CEP70: variants seen among roughly 807,000 people sequenced by gnomAD.
CEP70 encodes centrosomal protein of 70 kDa.
CEP70 carries 70 observed loss-of-function variants against 90.9 expected under a neutral mutation model. The observed-to-expected ratio is 0.77, with a 90% CI of 0.64 to 0.94. The LOEUF is 0.94. CEP70 is among the 40% of genes least tolerant of loss of function. The pLI is 0.00. For synonymous variants in CEP70, 220 were observed against 228.3 expected (o/e 0.96, Z 0.33); for missense variants, 648 against 669.0 (o/e 0.97, Z 0.35).
rs999041196 is a variant in CEP70 at position 138,494,915 on chromosome 3, C to T, written c.*100G>A. The T allele has an allele frequency of 5.9e-6, 4 of 680,238 alleles. No homozygotes were observed. Among genetic ancestry groups the T allele is most frequent in the Non-Finnish European group, 1.0e-5 (4 of 385,600 alleles). 42.1% of individuals were successfully genotyped at this position (680,238 alleles called of 1,614,324 possible). A position where few individuals can be genotyped will look rare whatever the true frequency, so the allele number is the denominator to read the frequency against. On this transcript the variant is annotated 3_prime_UTR_variant, in exon 18 of 18. Transcript: ENST00000264982. ...CTAAGAAGGGGATGAATTCTGAGAG[C>T]AAATACATTTTACAACCCTTGTCTC...
intron 10 of CEP70, among the ~76,000 whole-genome samples, chr3:138,527,571 G>C (rs1357348037): frequency 6.6e-6 from 1 of 151,578 alleles, no homozygotes; most frequent in African/African-American, 2.4e-5. Flanking sequence ...ATGGGCGCCT[G>C]TAGTCCCAGC....
intron 6 of CEP70, among the ~76,000 whole-genome samples, chr3:138,541,111 G>A (rs2038726523): frequency 6.6e-6 from 1 of 152,148 alleles, no homozygotes; most frequent in Admixed American, 6.6e-5. Flanking sequence ...AAGAGAAGGA[G>A]AAAAGATAAC....
At chr3:138,536,611 A>T (rs2038285950) in intron 7 of CEP70, among the ~76,000 whole-genome samples, 1 of 151,956 alleles carries the variant, frequency 6.6e-6, no homozygotes, top group Non-Finnish European at 1.5e-5. Context: ...TTATTTTGAA[A>T]CTATTTTTAT....
intron 8 of CEP70, chr3:138,530,896 T>C (rs1289843116): frequency 1.0e-6 from 1 of 966,992 alleles, no homozygotes; most frequent in Non-Finnish European, 1.2e-6. Context: ...ACTGAGTTTA[T>C]AATATAAACT....
Position 138,590,816 on chromosome 3 carries a change from T to C in CEP70, c.-6+1038A>G, listed in dbSNP as rs117415457. ...ACAGAATGAGACTCTATCTCATAAA[T>C]AAATAATAAAAAAAAAACAGGGAAG... On this transcript the variant is annotated intron_variant, in intron 2 of 17. Coordinates refer to ENST00000264982, the MANE Select transcript of CEP70 (RefSeq NM_024491.4). Among the ~76,000 whole-genome samples, 487 of 148,714 alleles carry C rather than the reference T, an allele frequency of 3.3e-3. 20 individuals are homozygous for C. The East Asian group carries it at 0.087, about 27-fold the overall frequency.
intron 6 of CEP70, among the ~76,000 whole-genome samples, chr3:138,568,003 G>T (rs1223231338): frequency 1.3e-5 from 2 of 152,046 alleles, no homozygotes; most frequent in Non-Finnish European, 2.9e-5. Flanking sequence ...TGGGTTTGCT[G>T]ATTTCTGTTT....
At chr3:138,525,157 C>T (rs542842229) in intron 11 of CEP70, among the ~76,000 whole-genome samples, 8 of 151,882 alleles carry the variant, frequency 5.3e-5, no homozygotes, top group South Asian at 4.2e-4. Flanking sequence ...AGCAAACTAT[C>T]GCAAGGACAA....
intron 11 of CEP70, 130 bp from the exon 12 acceptor site, chr3:138,508,674 C>T: frequency 3.0e-6 from 2 of 660,714 alleles, no homozygotes; most frequent in South Asian, 3.3e-5. Flanking sequence ...TGTGTGTGTG[C>T]ACACATGTAT....
intron 11 of CEP70, among the ~76,000 whole-genome samples, chr3:138,519,931 G>A (rs2108780721): frequency 6.6e-6 from 1 of 152,254 alleles, no homozygotes; most frequent in Middle Eastern, 3.4e-3. Context: ...CTGTATTCAG[G>A]AAGCCCATCT....
intron 6 of CEP70, among the ~76,000 whole-genome samples, chr3:138,569,243 C>T (rs2041000600): frequency 6.6e-6 from 1 of 152,066 alleles, no homozygotes; most frequent in African/African-American, 2.4e-5. Context: ...CTGATCCTTC[C>T]AATACTGCCA....
chr3:138,584,756 T>A (rs1302382473), intron 2 of CEP70, among the ~76,000 whole-genome samples: 1 of 147,062 alleles, frequency 6.8e-6, no homozygotes, highest in Admixed American at 6.8e-5. Flanking sequence ...CTTCATGATT[T>A]AAAAAAAAAA....
chr3:138,549,471 C>T (rs1048178564), intron 6 of CEP70, among the ~76,000 whole-genome samples: 1 of 151,934 alleles, frequency 6.6e-6, no homozygotes, highest in Non-Finnish European at 1.5e-5. Flanking sequence ...CTGCATGACA[C>T]AGCAGAGGCA....
At chr3:138,508,764 C>T (rs567720402) in intron 11 of CEP70, among the ~76,000 whole-genome samples, 12 of 150,634 alleles carry the variant, frequency 8.0e-5, no homozygotes, top group Admixed American at 2.0e-4. Context: ...GACAGAATCT[C>T]GCTCTATCAC....
chr3:138,514,260 T>A (rs1325302291), intron 11 of CEP70, among the ~76,000 whole-genome samples: 1 of 152,204 alleles, frequency 6.6e-6, no homozygotes, highest in African/African-American at 2.4e-5. Flanking sequence ...TGTAACCTCT[T>A]ACTTATCAAA....
In CEP70 at chr3:138,495,083, T is replaced by C; in HGVS notation, c.1733-7A>G. On this transcript the variant is annotated splice_polypyrimidine_tract_variant and splice_region_variant and intron_variant, in intron 17 of 17. Coordinates refer to ENST00000264982, the MANE Select transcript of CEP70 (RefSeq NM_024491.4). Reference sequence around the variant, plus strand: ...GCATCCAAGTCATCAATTTCTGTAATACAAAAACAGTAATAATAAAAGAGA... The same window carrying C: ...GCATCCAAGTCATCAATTTCTGTAACACAAAAACAGTAATAATAAAAGAGA... 6.6e-7 allele frequency: 1 copy of C among 1,520,368 alleles called. No individual in the cohort carries two copies. Among genetic ancestry groups the C allele is most frequent in the Admixed American group, 1.7e-5 (1 of 59,060 alleles). 94.2% of individuals were successfully genotyped at this position (1,520,368 alleles called of 1,614,324 possible). A position where few individuals can be genotyped will look rare whatever the true frequency, so the allele number is the denominator to read the frequency against.
At chr3:138,591,791 T>C in intron 2 of CEP70, 63 bp downstream of exon 2, 4 of 1,355,892 alleles carry the variant, frequency 3.0e-6, no homozygotes, top group Admixed American at 2.0e-5. Flanking sequence ...TAGTACTCAA[T>C]AAATATTAGA....
intron 13 of CEP70, among the ~76,000 whole-genome samples, chr3:138,505,070 G>C (rs981269371): frequency 6.6e-6 from 1 of 152,142 alleles, no homozygotes; most frequent in African/African-American, 2.4e-5. Context: ...AATCTTAGAG[G>C]AGGTAAAGCT....
chr3:138,560,341 G>A (rs1226944165), intron 6 of CEP70, among the ~76,000 whole-genome samples: 1 of 152,190 alleles, frequency 6.6e-6, no homozygotes, highest in African/African-American at 2.4e-5. Context: ...CAGATACTGC[G>A]CTTTTCCCAT....
intron 11 of CEP70, among the ~76,000 whole-genome samples, chr3:138,509,251 T>C (rs929786542): frequency 5.3e-5 from 8 of 151,854 alleles, no homozygotes; most frequent in Non-Finnish European, 5.9e-5. Context: ...AGACTACAGA[T>C]AAAGGGAGCA....
Sources: allele counts gnomAD v4.1 joint callset (sites outside exome capture counted in the v4.1 genomes callset), GRCh38; gene constraint gnomAD v4.1.1; transcripts MANE v1.5; gene names NCBI Gene and HGNC (gene_info 2026-07-23, HGNC 2026-07-21).